The following DST variants were observed in gnomAD, a reference collection of about 807,000 sequenced individuals.
The protein encoded by DST is bullous pemphigoid antigen.
In DST, 253 loss-of-function variants were observed where a neutral mutation model predicts 875.2. The observed-to-expected ratio is 0.29, with a 90% CI of 0.26 to 0.32. The LOEUF (loss-of-function observed/expected upper bound fraction) is 0.32. DST is among the 10% of genes least tolerant of loss of function. The pLI is 1.00. For missense variants in DST, 8,287 were observed against 9,111.6 expected (o/e 0.91, Z 3.68); for synonymous variants, 3,124 against 3,197.1 (o/e 0.98, Z 0.77).
At chr6:56,680,120 C>T (rs1310702501) in intron 9 of DST, among the ~76,000 whole-genome samples, 1 of 152,152 alleles carries the variant, frequency 6.6e-6, no homozygotes, top group Non-Finnish European at 1.5e-5. Context: ...CATCTCTCTC[C>T]CATTCTCTTC....
At position 56,842,868 on chromosome 6, in the gene DST, C is replaced by T. The variant is rs1204479665; in HGVS notation, c.625+8529G>A. Among the ~76,000 whole-genome samples the T allele has an allele frequency of 2.0e-5, 3 of 152,150 alleles. No individual in the cohort carries two copies. In the South Asian group the frequency reaches 6.2e-4, roughly 32 times the overall value. ...ATCTAAGGGCGTCTCCGGACTGTCGCCCACCCCACCATCCTCCCTGCGCTG... is the reference window on the plus strand; with the variant it reads ...ATCTAAGGGCGTCTCCGGACTGTCGTCCACCCCACCATCCTCCCTGCGCTG... On this transcript the variant is annotated intron_variant, in intron 4 of 103. Transcript: ENST00000680361.
chr6:56,620,444 C>A (rs753410101), intron 36 of DST: 6 of 1,614,028 alleles, frequency 3.7e-6, no homozygotes, highest in South Asian at 2.2e-5. Flanking sequence ...AAGTTCCCTG[C>A]GGTACTGCTT....
At chr6:56,634,431 A>T in intron 26 of DST, 31 bp downstream of exon 26, 1 of 1,612,704 alleles carries the variant, frequency 6.2e-7, no homozygotes, top group Non-Finnish European at 8.5e-7. Flanking sequence ...CCCCAAAACT[A>T]GCTCAACATT....
chr6:56,779,681 G>T (rs2099687971), intron 4 of DST, among the ~76,000 whole-genome samples: 1 of 150,464 alleles, frequency 6.6e-6, no homozygotes, highest in African/African-American at 2.4e-5. Flanking sequence ...GTTTGTCAAA[G>T]ATCAGATGGT....
chr6:56,518,829 T>C (rs952266687), intron 69 of DST, among the ~76,000 whole-genome samples: 3 of 152,156 alleles, frequency 2.0e-5, no homozygotes, highest in South Asian at 2.1e-4. Context: ...TCTTCTAACT[T>C]TTCAAAGGAA....
rs2098509421 is a variant in DST, at chr6:56,607,550, T to G, written c.7078A>C (p.Ser2360Arg). Residue 2360 changes from serine (S) to arginine (R), a missense_variant, in exon 40 of 104, where the codon AGT becomes CGT. Around this residue, in one of 10 missense-constraint regions of DST, gnomAD observed 3,138 missense variants for 3,116.6 expected, o/e 1.01. Transcript: ENST00000680361. ...TELADISMLR[S>R]DSENILTNYE... is the part of the protein sequence containing the mutation. Reference sequence around the variant, plus strand: ...TTTGTAAGTATGTTTTCAGAGTCACTTCTAAGCATGCTAATGTCTGCAAGT... The same window carrying G: ...TTTGTAAGTATGTTTTCAGAGTCACGTCTAAGCATGCTAATGTCTGCAAGT... The G allele has an allele frequency of 1.9e-6, 3 of 1,609,454 alleles. No homozygotes were observed. In the African/African-American group the frequency reaches 4.0e-5, roughly 22 times the overall value.
chr6:56,798,421 C>A (rs536037839), intron 4 of DST, among the ~76,000 whole-genome samples: 2 of 152,068 alleles, frequency 1.3e-5, no homozygotes, highest in Admixed American at 1.3e-4. Flanking sequence ...GAAAAACATG[C>A]CTGGATGACA....
intron 4 of DST, among the ~76,000 whole-genome samples, chr6:56,797,854 CATGA>C (rs1201516893): frequency 2.0e-5 from 3 of 146,830 alleles, no homozygotes; most frequent in African/African-American, 7.5e-5. Flanking sequence ...CCAGTGAATA[CATGA>C]ATGATAAGAA....
intron 4 of DST, among the ~76,000 whole-genome samples, chr6:56,774,487 G>A (rs1040788429): frequency 6.6e-6 from 1 of 152,156 alleles, no homozygotes; most frequent in African/African-American, 2.4e-5. Context: ...TATTCATTTA[G>A]CCATTCAACA....
rs762972312 is a variant in DST, at chr6:56,463,093, G to C, written c.23023C>G (p.Pro7675Ala). Residue 7675 changes from proline to alanine, a missense_variant, in exon 102 of 104, where the codon CCT (proline) becomes GCT (alanine). By Grantham distance (27) the Pro-to-Ala change is conservative. Around this residue, in one of 10 missense-constraint regions of DST, gnomAD observed 240 missense variants for 237.3 expected, o/e 1.01. Transcript: ENST00000680361. Reference sequence around the variant, plus strand: ...TCTGAGCACTCTGCTGCTTTACAAGGAGTTGACATTTTGCTGTTTGTCAAC... The same window carrying C: ...TCTGAGCACTCTGCTGCTTTACAAGCAGTTGACATTTTGCTGTTTGTCAAC... The part of the protein sequence containing the change: ...PWLTNSKMST[P>A]CKAAECSDFP... The C allele has an allele frequency of 6.2e-7, 1 of 1,613,714 alleles. No homozygotes were observed. The highest frequency in any genetic ancestry group is 2.2e-5 in the East Asian group (1 of 44,858).
chr6:56,901,468 G>A (rs1320266618), intron 2 of DST, among the ~76,000 whole-genome samples: 1 of 152,154 alleles, frequency 6.6e-6, no homozygotes, highest in African/African-American at 2.4e-5. Context: ...GCTGGTGGAC[G>A]CCAGTAATCC....
chr6:56,741,612 T>C (rs1178822755), intron 4 of DST, among the ~76,000 whole-genome samples: 2 of 152,224 alleles, frequency 1.3e-5, no homozygotes, highest in Non-Finnish European at 2.9e-5. Flanking sequence ...CCACTTTCCA[T>C]ACACATTATT....
intron 78 of DST, 30 bp downstream of exon 78, chr6:56,503,967 A>G (rs761721610): frequency 1.4e-6 from 2 of 1,478,826 alleles, no homozygotes; most frequent in South Asian, 2.5e-5. Flanking sequence ...ACTGCAAGGG[A>G]GTCTTCGATA....
At chr6:56,843,254 G>T in intron 4 of DST, 1 of 1,287,984 alleles carries the variant, frequency 7.8e-7, no homozygotes, top group South Asian at 2.9e-5. Flanking sequence ...AAAGAGGAAG[G>T]AGCAGCACGC....
rs2098459306 is a variant in DST at position 56,602,957 on chromosome 6, G to C, written c.11232C>G (p.Ser3744Arg). 1 of 1,594,888 alleles carries C rather than the reference G, an allele frequency of 6.3e-7. No individual in the cohort carries two copies. Among genetic ancestry groups the C allele is most frequent in the Non-Finnish European group, 8.5e-7 (1 of 1,174,516 alleles). ...CAATCTCAATATCCTTCACAGATTTGCTCTTCTCTGATACCCAATCTGAGA... is the reference window on the plus strand; with the variant it reads ...CAATCTCAATATCCTTCACAGATTTCCTCTTCTCTGATACCCAATCTGAGA... Reference protein sequence around the residue: ...KSFSDWVSEKSKSVKDIEIVN... With the variant: ...KSFSDWVSEKRKSVKDIEIVN... Residue 3744 changes from serine (S) to arginine (R), a missense_variant, in exon 43 of 104, where the codon AGC becomes AGG. By Grantham distance (110) the Ser-to-Arg change is moderately radical (BLOSUM62 -1). This residue lies in a region of DST where 3,138 missense variants were observed against 3,116.6 expected (regional missense o/e 1.01). Coordinates refer to ENST00000680361, the MANE Select transcript of DST (RefSeq NM_001374736.1).
chr6:56,721,100 G>A (rs1281551822), intron 5 of DST, among the ~76,000 whole-genome samples: 37 of 151,246 alleles, frequency 2.4e-4, no homozygotes, highest in Admixed American at 1.3e-3. Flanking sequence ...GCTGCCGGGC[G>A]GGGGCGCCCC....
chr6:56,953,744 G>T (rs1392908434), intron 2 of DST, 41 bp downstream of exon 2: 2 of 1,297,614 alleles, frequency 1.5e-6, no homozygotes, highest in Admixed American at 2.3e-5. Flanking sequence ...TCAGGAAAGA[G>T]AACTTCTTCT....
chr6:56,751,209 C>T (rs922291073), intron 4 of DST, among the ~76,000 whole-genome samples: 4 of 152,050 alleles, frequency 2.6e-5, no homozygotes, highest in African/African-American at 9.7e-5. Context: ...AGAAAAACAT[C>T]CTAAACATCC....
Position 56,459,216 on chromosome 6 carries a change from C to T in DST, c.23246G>A (p.Gly7749Asp). 2 of 1,613,518 alleles carry T rather than the reference C, an allele frequency of 1.2e-6. No homozygotes were observed. The highest frequency in any genetic ancestry group is 1.7e-6 in the Non-Finnish European group (2 of 1,179,692). Residue 7749 changes from glycine to aspartate, a missense_variant, in exon 104 of 104, where the codon GGC becomes GAC. Around this residue, in one of 10 missense-constraint regions of DST, gnomAD observed 240 missense variants for 237.3 expected, o/e 1.01. Transcript: ENST00000680361. The stretch of plus-strand genomic sequence containing the variant: ...GCCTCGGCGGCTGCTGGCCCTGCTG[C>T]CAGCTTTGCTTCCAGCTCGACTTCC... ...RPGSRAGSKA[G>D]SRASSRRGSD...
Sources: gnomAD v4.1 joint callset for allele counts (sites outside exome capture counted in the v4.1 genomes callset) on GRCh38, gnomAD v4.1.1 for gene constraint, gnomAD v4.1.1 regional missense constraint, MANE v1.5 for transcripts, NCBI Gene and HGNC (gene_info 2026-07-23, HGNC 2026-07-21) for gene names.